KIAA1328: variants seen among roughly 807,000 people sequenced by gnomAD.
The protein encoded by KIAA1328 is protein hinderin.
In KIAA1328, 52 loss-of-function variants were observed where a neutral mutation model predicts 68.1. That is an observed-to-expected ratio of 0.76 (90% CI 0.61 to 0.96). The LOEUF is 0.96. KIAA1328 is among the 40% of genes least tolerant of loss of function. KIAA1328 has a pLI of 0.00. For synonymous variants in KIAA1328, 232 were observed against 239.4 expected (o/e 0.97, Z 0.28); for missense variants, 641 against 677.6 (o/e 0.95, Z 0.60).
In KIAA1328 at chr18:37,172,968, T is replaced by C. The variant is rs2059529430; in HGVS notation, c.1415-5T>C. The C allele has an allele frequency of 6.3e-7, 1 of 1,597,458 alleles. No individual in the cohort carries two copies. Among genetic ancestry groups the C allele is most frequent in the South Asian group, 1.1e-5 (1 of 88,208 alleles). Reference sequence around the variant, plus strand: ...CCCAAATTATTTTCTTTATTTTTCATATAGGGACAGTGACAGGAGTTAGAA... The same window carrying C: ...CCCAAATTATTTTCTTTATTTTTCACATAGGGACAGTGACAGGAGTTAGAA... On this transcript the variant is annotated splice_polypyrimidine_tract_variant and splice_region_variant and intron_variant, in intron 8 of 9. Transcript: ENST00000280020.
At chr18:36,878,230 A>G (rs11659690) in intron 4 of KIAA1328, among the ~76,000 whole-genome samples, 20,723 of 151,958 alleles carry the variant, frequency 0.14, 1,758 homozygotes, top group Admixed American at 0.18. Context: ...TGGTGACAAA[A>G]TCTCTCAGGG....
At position 37,222,471 on chromosome 18, in the gene KIAA1328, A is replaced by G. The variant is rs980525798; in HGVS notation, c.*244A>G. 1.5e-6 allele frequency: 2 copies of G among 1,316,330 alleles called. No homozygotes were observed. The highest frequency in any genetic ancestry group is 1.5e-5 in the African/African-American group (1 of 67,256). 81.5% of individuals were successfully genotyped at this position (1,316,330 alleles called of 1,614,324 possible). A position where few individuals can be genotyped will look rare whatever the true frequency, so the allele number is the denominator to read the frequency against. On this transcript the variant is annotated 3_prime_UTR_variant, in exon 10 of 10. Coordinates refer to ENST00000280020, the MANE Select transcript of KIAA1328 (RefSeq NM_020776.3). Reference sequence around the variant, plus strand: ...ATGGTATCTTTTATATGCTAAACAGATTAGAAAATTAACATAGGATACTTT... The same window carrying G: ...ATGGTATCTTTTATATGCTAAACAGGTTAGAAAATTAACATAGGATACTTT...
intron 5 of KIAA1328, among the ~76,000 whole-genome samples, chr18:36,906,900 A>G (rs1253455816): frequency 1.3e-5 from 2 of 152,118 alleles, no homozygotes; most frequent in Non-Finnish European, 2.9e-5. Context: ...TTGAATATAT[A>G]TATCAATTAG....
At chr18:37,109,574 T>A (rs2057871179) in intron 7 of KIAA1328, among the ~76,000 whole-genome samples, 1 of 152,220 alleles carries the variant, frequency 6.6e-6, no homozygotes, top group Non-Finnish European at 1.5e-5. Flanking sequence ...AGGGCATGAC[T>A]TATATGTGTA....
chr18:36,911,777 G>T (rs2049461217), intron 5 of KIAA1328, among the ~76,000 whole-genome samples: 1 of 152,104 alleles, frequency 6.6e-6, no homozygotes, highest in South Asian at 2.1e-4. Context: ...ATGGTCTGTG[G>T]ATATGTAACA....
At chr18:36,971,336 T>C (rs1391775623) in intron 6 of KIAA1328, among the ~76,000 whole-genome samples, 1 of 152,090 alleles carries the variant, frequency 6.6e-6, no homozygotes, top group Non-Finnish European at 1.5e-5. Flanking sequence ...CCTAAAACCA[T>C]AAAAACCCTA....
intron 8 of KIAA1328, among the ~76,000 whole-genome samples, chr18:37,169,736 T>C (rs1039450968): frequency 2.0e-5 from 3 of 152,364 alleles, no homozygotes; most frequent in Admixed American, 2.0e-4. Flanking sequence ...TTTACAGCAA[T>C]CATTCTTATC....
intron 5 of KIAA1328, among the ~76,000 whole-genome samples, chr18:36,889,852 A>G (rs1003172753): frequency 2.0e-5 from 3 of 152,100 alleles, no homozygotes; most frequent in Non-Finnish European, 4.4e-5. Flanking sequence ...TAGATTATGC[A>G]AGGGTTAGGC....
intron 3 of KIAA1328, among the ~76,000 whole-genome samples, chr18:36,840,308 G>A (rs1223358635): frequency 6.6e-6 from 1 of 152,024 alleles, no homozygotes; most frequent in Admixed American, 6.6e-5. Flanking sequence ...CTGAAACTAG[G>A]GTAAATCTGG....
At chr18:37,203,812 CTT>C (rs758996149) in intron 9 of KIAA1328, among the ~76,000 whole-genome samples, 17 of 142,220 alleles carry the variant, frequency 1.2e-4, no homozygotes, top group Admixed American at 2.8e-4. Context: ...AACCCAGATT[CTT>C]TTTTTTTTTT....
rs554212352 is a variant in KIAA1328, at chr18:36,844,192, A to G, written c.238-16A>G. The G allele has an allele frequency of 6.9e-6, 8 of 1,161,502 alleles. No homozygotes were observed. The South Asian group carries it at 1.1e-4, about 16-fold the overall frequency. 71.9% of individuals were successfully genotyped at this position (1,161,502 alleles called of 1,614,324 possible). On this transcript the variant is annotated splice_polypyrimidine_tract_variant and intron_variant, in intron 3 of 9. Transcript: ENST00000280020. Reference sequence around the variant, plus strand: ...TTGGTTTTAGAAAAAGTGTAACTAAATTTTTTTTTTTTAAGAATTCCTGCA... The same window carrying G: ...TTGGTTTTAGAAAAAGTGTAACTAAGTTTTTTTTTTTTAAGAATTCCTGCA...
downstream of KIAA1328, among the ~76,000 whole-genome samples, chr18:37,228,742 C>T (rs576574542): frequency 3.3e-5 from 5 of 152,058 alleles, no homozygotes; most frequent in African/African-American, 1.2e-4. Flanking sequence ...ATCTCTTGAA[C>T]CTGGGAGGCG....
At chr18:36,897,171 A>G (rs1466666395) in intron 5 of KIAA1328, among the ~76,000 whole-genome samples, 1 of 151,988 alleles carries the variant, frequency 6.6e-6, no homozygotes, top group Non-Finnish European at 1.5e-5. Context: ...ATCTTCCCCC[A>G]GTTTTATTAT....
At chr18:37,164,865 C>G (rs902501771) in intron 8 of KIAA1328, among the ~76,000 whole-genome samples, 1 of 152,104 alleles carries the variant, frequency 6.6e-6, no homozygotes, top group African/African-American at 2.4e-5. Context: ...ATTGTAGAGG[C>G]CTTAAATGTA....
At chr18:37,099,898 C>A (rs2057544973) in intron 7 of KIAA1328, among the ~76,000 whole-genome samples, 1 of 152,004 alleles carries the variant, frequency 6.6e-6, no homozygotes, top group South Asian at 2.1e-4. Flanking sequence ...GGATTGCAAC[C>A]CCTGCCTTTT....
At chr18:37,017,118 C>G (rs1167924996) in intron 6 of KIAA1328, among the ~76,000 whole-genome samples, 2 of 152,094 alleles carry the variant, frequency 1.3e-5, no homozygotes, top group Non-Finnish European at 2.9e-5. Context: ...AAACTTTTCT[C>G]TTAACATGGC....
chr18:37,143,415 T>G (rs963929062), intron 7 of KIAA1328, among the ~76,000 whole-genome samples: 3 of 152,298 alleles, frequency 2.0e-5, no homozygotes, highest in Middle Eastern at 3.4e-3. Flanking sequence ...CTACCAGTGT[T>G]TAAGTTTTTG....
At chr18:37,077,587 C>A (rs552162744) in intron 7 of KIAA1328, among the ~76,000 whole-genome samples, 1 of 151,954 alleles carries the variant, frequency 6.6e-6, no homozygotes, top group Non-Finnish European at 1.5e-5. Flanking sequence ...GAAAACTCAT[C>A]GACTCAGCCC....
rs77262746 is a variant in KIAA1328 at position 37,087,492 on chromosome 18, T to C, written c.1232+19947T>C. ...ATATTCGTAATAATTTTTGAAGTTT[T>C]ATCTCTTCCTGCTGAATTGTGTCTA... On this transcript the variant is annotated intron_variant, in intron 7 of 9. Coordinates refer to ENST00000280020, the MANE Select transcript of KIAA1328 (RefSeq NM_020776.3). 9.5e-3 allele frequency among the ~76,000 whole-genome samples: 1,443 copies of C among 152,360 alleles called. 24 individuals are homozygous for C. Among genetic ancestry groups the C allele is most frequent in the African/African-American group, 0.034 (1,395 of 41,588 alleles).
Sources: allele counts gnomAD v4.1 joint callset (sites outside exome capture counted in the v4.1 genomes callset), GRCh38; gene constraint gnomAD v4.1.1; transcripts MANE v1.5; gene names NCBI Gene and HGNC (gene_info 2026-07-23, HGNC 2026-07-21).